Variants in SLC39A9 observed in about 807,000 individuals in gnomAD.
SLC39A9 encodes zinc transporter ZIP9.
Under a neutral mutation model 28.4 loss-of-function variants are expected in SLC39A9, and 14 were observed. That is an observed-to-expected ratio of 0.49 (90% CI 0.33 to 0.77). SLC39A9 has a LOEUF of 0.77. Among genes scored for constraint, SLC39A9 ranks in the 30% least tolerant of loss-of-function variants. The pLI is 0.02. For synonymous variants in SLC39A9, 119 were observed against 149.6 expected (o/e 0.80, Z 1.49); for missense variants, 283 against 381.1 (o/e 0.74, Z 2.14).
intron 1 of SLC39A9, among the ~76,000 whole-genome samples, chr14:69,404,882 A>G (rs957419309): frequency 6.6e-6 from 1 of 152,190 alleles, no homozygotes; most frequent in Non-Finnish European, 1.5e-5. Context: ...CACTGCTAAT[A>G]AAGACATTTC....
chr14:69,418,279 G>A (rs1009357996), intron 1 of SLC39A9, among the ~76,000 whole-genome samples: 8 of 151,948 alleles, frequency 5.3e-5, no homozygotes, highest in South Asian at 2.1e-4. Flanking sequence ...ATTGATTTGC[G>A]TATGTTGAAC....
At chr14:69,437,411 G>T (rs1884821218) in intron 2 of SLC39A9, among the ~76,000 whole-genome samples, 1 of 152,156 alleles carries the variant, frequency 6.6e-6, no homozygotes, top group Non-Finnish European at 1.5e-5. Flanking sequence ...TTCACTTGCT[G>T]TTGTTTACTT....
At chr14:69,450,266 T>C (rs969823712) in intron 3 of SLC39A9, among the ~76,000 whole-genome samples, 34 of 152,140 alleles carry the variant, frequency 2.2e-4, no homozygotes, top group Admixed American at 2.0e-3. Context: ...GGTATCTTTC[T>C]TCCATACCAT....
At chr14:69,449,682 A>C (rs887121861) in intron 3 of SLC39A9, among the ~76,000 whole-genome samples, 2 of 152,206 alleles carry the variant, frequency 1.3e-5, no homozygotes, top group African/African-American at 4.8e-5. Context: ...TTGTGAACCT[A>C]TAGTTCAGGG....
intron 2 of SLC39A9, among the ~76,000 whole-genome samples, chr14:69,441,050 G>A (rs1282107733): frequency 1.3e-5 from 2 of 152,280 alleles, no homozygotes; most frequent in South Asian, 2.1e-4. Flanking sequence ...GGTCAAGGTG[G>A]GAGGATCACC....
Position 69,461,847 on chromosome 14 carries a change from T to C in SLC39A9, c.*3254T>C. 9.1e-7 allele frequency: 1 copy of C among 1,104,764 alleles called. No individual in the cohort carries two copies. The highest frequency in any genetic ancestry group is 1.3e-6 in the Non-Finnish European group (1 of 786,924). 68.4% of individuals were successfully genotyped at this position (1,104,764 alleles called of 1,614,324 possible). A position where few individuals can be genotyped will look rare whatever the true frequency, so the allele number is the denominator to read the frequency against. Reference sequence around the variant, plus strand: ...TGGGCCCCTGAGCCCCTTGGGAGACTGAGAATCATGACCAGATTCATCCAG... The same window carrying C: ...TGGGCCCCTGAGCCCCTTGGGAGACCGAGAATCATGACCAGATTCATCCAG... On this transcript the variant is annotated 3_prime_UTR_variant, in exon 7 of 7. Transcript: ENST00000336643.
At chr14:69,450,072 C>T (rs1172637328) in intron 3 of SLC39A9, among the ~76,000 whole-genome samples, 1 of 152,058 alleles carries the variant, frequency 6.6e-6, no homozygotes, top group African/African-American at 2.4e-5. Flanking sequence ...CCTGTAATCT[C>T]AGCTACTTGG....
chr14:69,437,143 A>G (rs1204606836), intron 2 of SLC39A9, among the ~76,000 whole-genome samples: 1 of 152,046 alleles, frequency 6.6e-6, no homozygotes, highest in East Asian at 1.9e-4. Context: ...CTGGGATTAC[A>G]AGCGTGAGCC....
chr14:69,455,841 T>C lies in SLC39A9; in HGVS notation c.668T>C (p.Met223Thr). The C allele has an allele frequency of 1.2e-6, 2 of 1,614,184 alleles. No homozygotes were observed. The highest frequency in any genetic ancestry group is 1.7e-6 in the Non-Finnish European group (2 of 1,180,012). Reference sequence around the variant, plus strand: ...GCATTGGCAGCACCAGTTATGTCCATGGTGACATACTTAGGACTGAGTAAG... The same window carrying C: ...GCATTGGCAGCACCAGTTATGTCCACGGTGACATACTTAGGACTGAGTAAG... ...VFALAAPVMS[M>T]VTYLGLSKSS... The change falls in exon 6 of 7, where the codon ATG becomes ACG. Residue 223 changes from methionine to threonine, a missense_variant. By Grantham distance (81) the Met-to-Thr change is moderately conservative. Coordinates refer to ENST00000336643, the MANE Select transcript of SLC39A9 (RefSeq NM_018375.5).
chr14:69,414,797 C>G (rs548007263), intron 1 of SLC39A9, among the ~76,000 whole-genome samples: 36 of 152,280 alleles, frequency 2.4e-4, no homozygotes, highest in African/African-American at 8.4e-4. Flanking sequence ...ACTGTGTGGC[C>G]ACCCTCTCAT....
chr14:69,461,407 A>G lies in SLC39A9; in HGVS notation c.*2814A>G, dbSNP rs1432280309. 4.0e-6 allele frequency: 5 copies of G among 1,245,014 alleles called. No individual in the cohort carries two copies. The highest frequency in any genetic ancestry group is 3.5e-5 in the East Asian group (1 of 28,424). The allele number at this position is 1,245,014 out of a possible 1,614,324, so 77.1% of individuals were successfully genotyped here. A position where few individuals can be genotyped will look rare whatever the true frequency, so the allele number is the denominator to read the frequency against. ...TTGATTCAGTTTTCCTGTGCACACT[A>G]TTGCCAAATTTTTTTTTAGCAAAGA... On this transcript the variant is annotated 3_prime_UTR_variant, in exon 7 of 7. Transcript: ENST00000336643.
At chr14:69,433,277 C>A (rs144156375) in intron 2 of SLC39A9, among the ~76,000 whole-genome samples, 1,830 of 152,212 alleles carry the variant, frequency 0.012, 22 homozygotes, top group Non-Finnish European at 0.019. Context: ...ACTAGACTTG[C>A]ATATACCCAC....
intron 1 of SLC39A9, among the ~76,000 whole-genome samples, chr14:69,404,809 A>G (rs1400595569): frequency 1.3e-5 from 2 of 151,974 alleles, no homozygotes; most frequent in Admixed American, 6.6e-5. Flanking sequence ...ACTTACTCTC[A>G]TTTTAAGCTT....
chr14:69,411,173 C>G (rs1164938348), intron 1 of SLC39A9, among the ~76,000 whole-genome samples: 2 of 142,456 alleles, frequency 1.4e-5, no homozygotes, highest in African/African-American at 5.3e-5. Flanking sequence ...GTTCACACCA[C>G]TGCATTCCAG....
intron 2 of SLC39A9, among the ~76,000 whole-genome samples, chr14:69,439,981 T>C (rs1000111538): frequency 1.3e-5 from 2 of 152,152 alleles, no homozygotes; most frequent in African/African-American, 4.8e-5. Context: ...TAAAGAGGTT[T>C]AGTTGACTCA....
At chr14:69,405,155 G>C (rs1475305578) in intron 1 of SLC39A9, among the ~76,000 whole-genome samples, 1 of 152,176 alleles carries the variant, frequency 6.6e-6, no homozygotes, top group Non-Finnish European at 1.5e-5. Flanking sequence ...TCCCTCGCAT[G>C]GGAACTACAA....
At chr14:69,403,845 A>G (rs1882769169) in intron 1 of SLC39A9, among the ~76,000 whole-genome samples, 1 of 152,026 alleles carries the variant, frequency 6.6e-6, no homozygotes, top group Non-Finnish European at 1.5e-5. Flanking sequence ...GGAGTTCGAG[A>G]CCACCCTGAC....
chr14:69,420,753 A>T (rs1489591691), intron 1 of SLC39A9, among the ~76,000 whole-genome samples: 2 of 152,142 alleles, frequency 1.3e-5, no homozygotes, highest in African/African-American at 4.8e-5. Flanking sequence ...TTGATCTTCA[A>T]TCACTGATAC....
intron 1 of SLC39A9, among the ~76,000 whole-genome samples, chr14:69,411,211 CA>C (rs35337440): frequency 0.087 from 6,528 of 74,714 alleles, 77 homozygotes; most frequent in East Asian, 0.16. Flanking sequence ...GATTCCATCT[CA>C]AAAAAAAAAA....
Sources: gnomAD v4.1 joint callset for allele counts (sites outside exome capture counted in the v4.1 genomes callset) on GRCh38, gnomAD v4.1.1 for gene constraint, MANE v1.5 for transcripts, NCBI Gene and HGNC (gene_info 2026-07-23, HGNC 2026-07-21) for gene names.